ANO2: variants seen among roughly 807,000 people sequenced by gnomAD.
The protein encoded by ANO2 is anoctamin 2.
Under a neutral mutation model 124.2 loss-of-function variants are expected in ANO2, and 101 were observed. The observed-to-expected ratio is 0.81, with a 90% CI of 0.69 to 0.96. The LOEUF is 0.96. ANO2 is among the 40% of genes least tolerant of loss of function. The probability of loss-of-function intolerance (pLI) is 0.00; values close to 1 mark genes in which losing one functional copy is unlikely to be tolerated. For synonymous variants in ANO2, 486 were observed against 482.5 expected (o/e 1.01, Z -0.09); for missense variants, 1,293 against 1,274.5 (o/e 1.01, Z -0.22).
intron 3 of ANO2, among the ~76,000 whole-genome samples, chr12:5,889,529 T>G (rs897441841): frequency 6.6e-6 from 1 of 152,222 alleles, no homozygotes; most frequent in Non-Finnish European, 1.5e-5. Context: ...GGAGCGCAGG[T>G]GAGGAAATCA....
At chr12:5,775,019 C>A (rs185032733) in intron 10 of ANO2, among the ~76,000 whole-genome samples, 1 of 152,148 alleles carries the variant, frequency 6.6e-6, no homozygotes, top group Non-Finnish European at 1.5e-5. Context: ...CCACTCTATG[C>A]GTCAGAAATT....
chr12:5,606,529 G>C (rs1944229415), intron 19 of ANO2, among the ~76,000 whole-genome samples: 1 of 152,076 alleles, frequency 6.6e-6, no homozygotes, highest in Non-Finnish European at 1.5e-5. Context: ...TCCTATTTAT[G>C]GAAACTGATG....
At position 5,854,031 on chromosome 12, in the gene ANO2, A is replaced by G; in HGVS notation, c.633+12T>C. ...TCAGGAGGCCCAGAACCCAGGAGAA[A>G]CATGCTCATACTTTCTTGGTAGGAA... On this transcript the variant is annotated intron_variant, in intron 4 of 24. Transcript: ENST00000682330. The G allele has an allele frequency of 6.2e-7, 1 of 1,610,148 alleles. No homozygotes were observed. Among genetic ancestry groups the G allele is most frequent in the Non-Finnish European group, 8.5e-7 (1 of 1,177,166 alleles).
chr12:5,912,433 T>C (rs1327464327), intron 3 of ANO2, among the ~76,000 whole-genome samples: 3 of 151,626 alleles, frequency 2.0e-5, no homozygotes, highest in East Asian at 1.9e-4. Context: ...GTTGGGGAGG[T>C]TGGGGTGGGG....
chr12:5,836,158 A>G (rs1954310238), intron 4 of ANO2, among the ~76,000 whole-genome samples: 1 of 152,202 alleles, frequency 6.6e-6, no homozygotes, highest in Non-Finnish European at 1.5e-5. Context: ...GTTTACAACA[A>G]TAACTGGTCT....
chr12:5,641,476 T>C (rs961094485), intron 15 of ANO2, among the ~76,000 whole-genome samples: 1 of 152,220 alleles, frequency 6.6e-6, no homozygotes, highest in African/African-American at 2.4e-5. Flanking sequence ...AAAAATCAAA[T>C]AGGCAGGAAA....
chr12:5,798,397 T>C (rs1404452063), intron 10 of ANO2, among the ~76,000 whole-genome samples: 1 of 151,928 alleles, frequency 6.6e-6, no homozygotes, highest in Non-Finnish European at 1.5e-5. Flanking sequence ...GTGTAGGAGG[T>C]GAGCTGCCCA....
intron 3 of ANO2, among the ~76,000 whole-genome samples, chr12:5,919,919 G>C (rs891912693): frequency 6.6e-6 from 1 of 151,908 alleles, no homozygotes; most frequent in African/African-American, 2.4e-5. Flanking sequence ...GAATGATCTC[G>C]ATCTCCTGAC....
In ANO2 at chr12:5,635,710, TA is replaced by T. The variant is rs1477826697; in HGVS notation, c.1621-364del. On this transcript the variant is annotated intron_variant, in intron 15 of 24. Transcript: ENST00000682330. This position sits in a 1 kb window ranked among gnomAD's most constrained non-coding sequence, Gnocchi z 5.2. Reference sequence around the variant, plus strand: ...TTTCATTAGGGAGCTTTTGATCTTCTAAAGAGATAACATGAACTCCTTTTAA... The same window carrying T: ...TTTCATTAGGGAGCTTTTGATCTTCTAAGAGATAACATGAACTCCTTTTAA... Among the ~76,000 whole-genome samples, 1 of 152,026 alleles carries T rather than the reference TA, an allele frequency of 6.6e-6. No individual in the cohort carries two copies. The highest frequency in any genetic ancestry group is 2.4e-5 in the African/African-American group (1 of 41,372).
chr12:5,744,411 T>C, intron 11 of ANO2, 94 bp from the exon 12 acceptor site: 2 of 1,412,164 alleles, frequency 1.4e-6, no homozygotes, highest in Non-Finnish European at 2.0e-6. Flanking sequence ...TTTCCAAATC[T>C]ATGGTTGAGT....
intron 13 of ANO2, among the ~76,000 whole-genome samples, chr12:5,735,176 C>T (rs945889875): frequency 1.2e-4 from 19 of 152,088 alleles, no homozygotes; most frequent in Non-Finnish European, 2.5e-4. Context: ...TTTGACACAC[C>T]CAGCCACGGG....
At chr12:5,711,569 T>C (rs1949821278) in intron 14 of ANO2, among the ~76,000 whole-genome samples, 3 of 152,124 alleles carry the variant, frequency 2.0e-5, no homozygotes, top group Non-Finnish European at 2.9e-5. Context: ...AAATTGCAGG[T>C]CTCATATACG....
At chr12:5,887,728 G>C (rs745819299) in intron 3 of ANO2, among the ~76,000 whole-genome samples, 17 of 152,146 alleles carry the variant, frequency 1.1e-4, no homozygotes, top group Non-Finnish European at 2.1e-4. Context: ...CTTTTTTTGA[G>C]CACTTGCAAT....
chr12:5,657,492 A>ATT (rs58508961), intron 14 of ANO2, among the ~76,000 whole-genome samples: 5,380 of 146,876 alleles, frequency 0.037, 157 homozygotes, highest in East Asian at 0.11. Context: ...ATACTTTTCC[A>ATT]TTTTTTTTTT....
rs1265312819 is a variant in ANO2, at chr12:5,645,093, T to C, written c.1620+2634A>G. 6.6e-5 allele frequency among the ~76,000 whole-genome samples: 10 copies of C among 151,800 alleles called. No homozygotes were observed. The East Asian group carries it at 1.3e-3, about 20-fold the overall frequency. On this transcript the variant is annotated intron_variant, in intron 15 of 24. Coordinates refer to ENST00000682330, the MANE Select transcript of ANO2 (RefSeq NM_001364791.2). Reference sequence around the variant, plus strand: ...TCACTAGGATTCTTCAATCTATGGATTGGTGTACTGCATCAAATTAGGAAA... The same window carrying C: ...TCACTAGGATTCTTCAATCTATGGACTGGTGTACTGCATCAAATTAGGAAA...
chr12:5,640,596 T>C (rs1020014336), intron 15 of ANO2, among the ~76,000 whole-genome samples: 1 of 152,170 alleles, frequency 6.6e-6, no homozygotes, highest in Non-Finnish European at 1.5e-5. Flanking sequence ...AAAGAAGACA[T>C]TTATGCAGCC....
At chr12:5,615,383 T>G in intron 16 of ANO2, 86 bp from the exon 17 acceptor site, 2 of 957,702 alleles carry the variant, frequency 2.1e-6, no homozygotes, top group Non-Finnish European at 3.2e-6. Context: ...CTACTATCTC[T>G]CAGCTGACTC....
chr12:5,746,714 T>C (rs1255024115), intron 11 of ANO2, among the ~76,000 whole-genome samples: 1 of 152,190 alleles, frequency 6.6e-6, no homozygotes, highest in African/African-American at 2.4e-5. Flanking sequence ...TCATTGCTCA[T>C]GGATTAGGTG....
chr12:5,886,495 A>T (rs1938916767), intron 3 of ANO2, among the ~76,000 whole-genome samples: 2 of 152,230 alleles, frequency 1.3e-5, no homozygotes, highest in South Asian at 4.1e-4. Context: ...CTGCTGTACA[A>T]CATAGTGGCT....
Sources: allele counts gnomAD v4.1 joint callset (sites outside exome capture counted in the v4.1 genomes callset), GRCh38; gene constraint gnomAD v4.1.1; non-coding constraint Gnocchi (gnomAD v3.1); transcripts MANE v1.5; gene names NCBI Gene and HGNC (gene_info 2026-07-23, HGNC 2026-07-21).